GLIS3: variants seen among roughly 807,000 people sequenced by gnomAD.
GLIS3 encodes the protein GLIS family zinc finger 3.
In GLIS3, 53 loss-of-function variants were observed where a neutral mutation model predicts 78.6. That is an observed-to-expected ratio of 0.67 (90% CI 0.54 to 0.85). The LOEUF is 0.85. GLIS3 is among the 40% of genes least tolerant of loss of function. GLIS3 has a pLI of 0.00. For synonymous variants in GLIS3, 684 were observed against 509.9 expected, an observed-to-expected ratio of 1.34 and a Z score of -4.60; for missense variants, 1,703 against 1,231.1, an observed-to-expected ratio of 1.38 and a Z score of -5.74.
chr9:4,297,769 T>A (rs1453548720), intron 1 of GLIS3, among the ~76,000 whole-genome samples: 2 of 152,116 alleles, frequency 1.3e-5, no homozygotes, highest in Admixed American at 1.3e-4. Flanking sequence ...CACAGAGCAG[T>A]GGTCTCAGTC....
At chr9:3,864,146 GA>G (rs1366248843) in intron 8 of GLIS3, among the ~76,000 whole-genome samples, 3 of 151,344 alleles carry the variant, frequency 2.0e-5, no homozygotes, top group African/African-American at 7.3e-5. Flanking sequence ...ATTCTACTAT[GA>G]AAAAAAAATC....
At chr9:4,444,281 C>T in the GLIS3 span, among the ~76,000 whole-genome samples, 15 of 152,220 alleles carry the variant, frequency 9.9e-5, no homozygotes, top group Non-Finnish European at 1.8e-4. Flanking sequence ...ATAATTACTA[C>T]GCTTCTCATA....
At chr9:4,251,370 T>G (rs530901600) in intron 2 of GLIS3, among the ~76,000 whole-genome samples, 10 of 152,306 alleles carry the variant, frequency 6.6e-5, no homozygotes, top group African/African-American at 2.4e-4. Context: ...ATGCCCCTCT[T>G]TATCTTTTTT....
At chr9:4,482,069 T>C in the GLIS3 span, among the ~76,000 whole-genome samples, 1 of 152,242 alleles carries the variant, frequency 6.6e-6, no homozygotes, top group East Asian at 1.9e-4. Context: ...ATTGACTATT[T>C]GCATTTATTA....
intron 2 of GLIS3, among the ~76,000 whole-genome samples, chr9:4,194,447 C>T (rs979239806): frequency 2.0e-5 from 3 of 152,160 alleles, no homozygotes. Context: ...TCATAAATGT[C>T]ATAAATTATT....
chr9:3,889,632 T>C (rs1469602347), intron 7 of GLIS3, among the ~76,000 whole-genome samples: 2 of 152,248 alleles, frequency 1.3e-5, no homozygotes, highest in South Asian at 2.1e-4. Flanking sequence ...CTCAGTCATT[T>C]TGATGAATGT....
chr9:3,999,027 G>T (rs1301608492), intron 4 of GLIS3, among the ~76,000 whole-genome samples: 1 of 151,760 alleles, frequency 6.6e-6, no homozygotes, highest in Non-Finnish European at 1.5e-5. Flanking sequence ...AAAAAAAGGT[G>T]GTATAAAATA....
chr9:4,046,930 C>T (rs1490314963), intron 4 of GLIS3, among the ~76,000 whole-genome samples: 1 of 152,144 alleles, frequency 6.6e-6, no homozygotes, highest in African/African-American at 2.4e-5. Flanking sequence ...AATGTGAAAA[C>T]AGTTTAAGCC....
chr9:3,954,680 T>G (rs1816965407), intron 4 of GLIS3, among the ~76,000 whole-genome samples: 1 of 152,232 alleles, frequency 6.6e-6, no homozygotes, highest in South Asian at 2.1e-4. Context: ...CTTTTTCCAA[T>G]TAGGCCCTGT....
At chr9:4,222,202 G>A (rs1414973790) in intron 2 of GLIS3, among the ~76,000 whole-genome samples, 1 of 152,176 alleles carries the variant, frequency 6.6e-6, no homozygotes, top group Non-Finnish European at 1.5e-5. Flanking sequence ...TACAGCTATA[G>A]GCCATTATGT....
intron 4 of GLIS3, among the ~76,000 whole-genome samples, chr9:3,991,737 C>G (rs947806698): frequency 8.3e-6 from 1 of 121,024 alleles, no homozygotes; most frequent in African/African-American, 3.3e-5. Context: ...GTCGCCCAGG[C>G]TGGAGTGCAG....
the GLIS3 span, among the ~76,000 whole-genome samples, chr9:4,385,815 AAAGAAAGAG>A: frequency 3.8e-4 from 17 of 44,292 alleles, no homozygotes; most frequent in Admixed American, 2.5e-3. Flanking sequence ...GAAAGAAAAG[AAAGAAAGAG>A]AAAAGAAAGA....
At chr9:4,404,387 C>G in the GLIS3 span, among the ~76,000 whole-genome samples, 7 of 152,158 alleles carry the variant, frequency 4.6e-5, no homozygotes, top group Non-Finnish European at 7.3e-5. Flanking sequence ...TGAGTAGTCA[C>G]AAAACATGTC....
At chr9:3,866,550 A>G (rs1441517256) in intron 8 of GLIS3, among the ~76,000 whole-genome samples, 2 of 152,152 alleles carry the variant, frequency 1.3e-5, no homozygotes, top group African/African-American at 4.8e-5. Flanking sequence ...AGACATCACA[A>G]AGGAAGGCAC....
At position 3,824,742 on chromosome 9, in the gene GLIS3, A is replaced by G. The variant is rs768737385; in HGVS notation, c.*3530T>C. ...GCAGTTCATTTCTCTACGTGAGTGT[A>G]TATAACTATGTACAAGAGTCTGTGT... On this transcript the variant is annotated 3_prime_UTR_variant, in exon 11 of 11. Coordinates refer to ENST00000381971, the MANE Select transcript of GLIS3 (RefSeq NM_001042413.2). 9 of 152,598 alleles carry G rather than the reference A, an allele frequency of 5.9e-5. No individual in the cohort carries two copies. The highest frequency in any genetic ancestry group is 2.1e-4 in the South Asian group (1 of 4,828). 9.5% of individuals were successfully genotyped at this position (152,598 alleles called of 1,614,324 possible).
At chr9:3,934,485 C>G (rs1042163459) in intron 5 of GLIS3, among the ~76,000 whole-genome samples, 1 of 151,330 alleles carries the variant, frequency 6.6e-6, no homozygotes, top group African/African-American at 2.4e-5. Context: ...TCTCGGCTCA[C>G]TGCAACCTCC....
chr9:4,189,823 C>CTT (rs60376826), intron 2 of GLIS3, among the ~76,000 whole-genome samples: 1 of 150,670 alleles, frequency 6.6e-6, no homozygotes, highest in Admixed American at 6.6e-5. Context: ...CAACCCCTGC[C>CTT]TTTTTTTTTG....
chr9:4,269,246 C>G (rs1826288564), intron 2 of GLIS3, among the ~76,000 whole-genome samples: 1 of 152,132 alleles, frequency 6.6e-6, no homozygotes, highest in South Asian at 2.1e-4. Context: ...TTTGCTCAGC[C>G]TGTCATCAAT....
the GLIS3 span, among the ~76,000 whole-genome samples, chr9:4,450,553 C>A: frequency 6.6e-6 from 1 of 152,108 alleles, no homozygotes; most frequent in East Asian, 1.9e-4. Flanking sequence ...TTGTCAGATT[C>A]ACCAAGGTTA....
Sources: allele counts gnomAD v4.1 joint callset (sites outside exome capture counted in the v4.1 genomes callset), GRCh38; gene constraint gnomAD v4.1.1; transcripts MANE v1.5; gene names NCBI Gene and HGNC (gene_info 2026-07-23, HGNC 2026-07-21).